Variants in MBTD1 observed in about 807,000 individuals in gnomAD.
The protein encoded by MBTD1 is mbt domain containing 1.
In MBTD1, 24 loss-of-function variants were observed where a neutral mutation model predicts 87.8. That is an observed-to-expected ratio of 0.27 (90% CI 0.20 to 0.38). The LOEUF is 0.38. Among genes scored for constraint, MBTD1 ranks in the 10% least tolerant of loss-of-function variants. The pLI is 1.00. For missense variants in MBTD1, 436 were observed against 760.2 expected (o/e 0.57, Z 5.02); for synonymous variants, 237 against 248.6 (o/e 0.95, Z 0.44).
At chr17:51,213,815 T>C (rs1439101891) in intron 6 of MBTD1, among the ~76,000 whole-genome samples, 1 of 152,108 alleles carries the variant, frequency 6.6e-6, no homozygotes, top group Non-Finnish European at 1.5e-5. Context: ...CAACACCCCA[T>C]CTCTGCCAGA....
At chr17:51,240,686 A>G (rs765730439) in intron 2 of MBTD1, among the ~76,000 whole-genome samples, 12 of 152,146 alleles carry the variant, frequency 7.9e-5, no homozygotes, top group Non-Finnish European at 1.2e-4. Context: ...TCTGCTGTGA[A>G]GTTACTCTGA....
At chr17:51,201,922 G>A (rs2051515524) in intron 11 of MBTD1, 100 bp downstream of exon 11, 1 of 822,284 alleles carries the variant, frequency 1.2e-6, no homozygotes, top group Middle Eastern at 3.0e-4. Flanking sequence ...ATTCTTTTAA[G>A]TGAACATATG....
At chr17:51,260,663 C>T (rs770420550), upstream of MBTD1, 3 of 1,611,974 alleles carry the variant, frequency 1.9e-6, no homozygotes, top group African/African-American at 2.7e-5. Context: ...CGGAATGAGG[C>T]CGGACTGGAA....
At chr17:51,249,201 AG>A (rs2054628923) in intron 2 of MBTD1, among the ~76,000 whole-genome samples, 1 of 151,928 alleles carries the variant, frequency 6.6e-6, no homozygotes, top group African/African-American at 2.4e-5. Context: ...TCAAGGCTGC[AG>A]TGAGCCGTGA....
At chr17:51,213,957 A>G (rs1285968195) in intron 6 of MBTD1, among the ~76,000 whole-genome samples, 2 of 152,206 alleles carry the variant, frequency 1.3e-5, no homozygotes, top group Non-Finnish European at 2.9e-5. Context: ...TGCTTAAATA[A>G]AAGGTCTGAA....
intron 2 of MBTD1, among the ~76,000 whole-genome samples, chr17:51,240,848 A>C (rs2054123658): frequency 6.6e-6 from 1 of 152,172 alleles, no homozygotes; most frequent in Admixed American, 6.5e-5. Context: ...TTAAAAAATA[A>C]AAAATTTCCT....
At chr17:51,193,361 T>G (rs1329023614) in intron 14 of MBTD1, 67 bp downstream of exon 14, 5 of 1,071,888 alleles carry the variant, frequency 4.7e-6, no homozygotes, top group African/African-American at 1.6e-5. Flanking sequence ...GACATTTTTA[T>G]GAACATAAAT....
chr17:51,203,717 A>G, intron 8 of MBTD1, 74 bp downstream of exon 8: 1 of 1,484,290 alleles, frequency 6.7e-7, no homozygotes, highest in Non-Finnish European at 9.2e-7. Flanking sequence ...ATATTACTCT[A>G]ACATTACTAT....
intron 6 of MBTD1, among the ~76,000 whole-genome samples, chr17:51,213,802 C>T (rs2052398520): frequency 6.6e-6 from 1 of 152,092 alleles, no homozygotes; most frequent in Non-Finnish European, 1.5e-5. Flanking sequence ...AAGGCTCTGG[C>T]AGCAACACCC....
rs542502033 is a variant in MBTD1, at chr17:51,229,943, C to A, written c.-48-4734G>T. 1.6e-4 allele frequency among the ~76,000 whole-genome samples: 25 copies of A among 152,270 alleles called. No individual in the cohort carries two copies. In the South Asian group the frequency reaches 5.0e-3, roughly 30 times the overall value. On this transcript the variant is annotated intron_variant, in intron 2 of 16. Transcript: ENST00000586178. ...AAAATGCTGGGATTACAGGCGTGAG[C>A]CACTGCACCCAGCCAGTATACTTTT...
chr17:51,198,073 C>T (rs1452829672), intron 12 of MBTD1, among the ~76,000 whole-genome samples: 1 of 152,140 alleles, frequency 6.6e-6, no homozygotes, highest in Non-Finnish European at 1.5e-5. Context: ...GCATTTTATC[C>T]GCATGCTGAA....
intron 2 of MBTD1, among the ~76,000 whole-genome samples, chr17:51,254,773 C>T (rs1195928175): frequency 6.6e-6 from 1 of 152,020 alleles, no homozygotes; most frequent in East Asian, 1.9e-4. Flanking sequence ...TCAGTTCTTC[C>T]GAAGAAAGCT....
intron 16 of MBTD1, chr17:51,184,719 A>T (rs1237893349): frequency 6.6e-6 from 1 of 152,234 alleles, no homozygotes; most frequent in Non-Finnish European, 1.5e-5. Context: ...GCTTAAAGAA[A>T]ATACATCCAA....
chr17:51,211,640 T>C (rs1006524299), intron 6 of MBTD1, among the ~76,000 whole-genome samples: 3 of 152,128 alleles, frequency 2.0e-5, no homozygotes, highest in Non-Finnish European at 4.4e-5. Context: ...CAGAAACTAA[T>C]TTAAGTTTTA....
At chr17:51,220,999 G>A (rs1007920516) in intron 3 of MBTD1, among the ~76,000 whole-genome samples, 11 of 152,190 alleles carry the variant, frequency 7.2e-5, no homozygotes, top group African/African-American at 2.7e-4. Context: ...TGGGTTCAAA[G>A]TTTGAGGTAG....
intron 2 of MBTD1, among the ~76,000 whole-genome samples, chr17:51,232,930 T>C (rs1274126045): frequency 1.3e-5 from 2 of 151,740 alleles, no homozygotes; most frequent in Admixed American, 6.6e-5. Flanking sequence ...TATGTGCTTG[T>C]GGTCCCAGCT....
chr17:51,192,710 A>G, intron 15 of MBTD1, 72 bp downstream of exon 15: 1 of 1,585,036 alleles, frequency 6.3e-7, no homozygotes, highest in Non-Finnish European at 8.6e-7. Context: ...TCATAAGATG[A>G]CTTATGTGAG....
At chr17:51,195,499 T>C (rs1354669395) in intron 12 of MBTD1, 138 bp from the exon 13 acceptor site, 1 of 595,988 alleles carries the variant, frequency 1.7e-6, no homozygotes, top group African/African-American at 1.9e-5. Context: ...TATTGAGTTA[T>C]GTTAAATAAC....
chr17:51,238,163 T>C (rs984020112), intron 2 of MBTD1, among the ~76,000 whole-genome samples: 5 of 152,154 alleles, frequency 3.3e-5, no homozygotes, highest in Non-Finnish European at 5.9e-5. Context: ...TTATACTACC[T>C]AGATTGTGGT....
Sources: gnomAD v4.1 joint callset for allele counts (sites outside exome capture counted in the v4.1 genomes callset) on GRCh38, gnomAD v4.1.1 for gene constraint, MANE v1.5 for transcripts, NCBI Gene and HGNC (gene_info 2026-07-23, HGNC 2026-07-21) for gene names.